The following CD86 variants were observed in gnomAD, a reference collection of about 807,000 sequenced individuals.
CD86 encodes the protein CD86 molecule, also known as T-lymphocyte activation antigen CD86.
CD86 carries 11 observed loss-of-function variants against 32.1 expected under a neutral mutation model. The observed-to-expected ratio is 0.34, with a 90% confidence interval of 0.22 to 0.57. The LOEUF is 0.57. CD86 is among the 20% of genes least tolerant of loss of function. The probability of loss-of-function intolerance (pLI) is 0.86; values close to 1 mark genes in which losing one functional copy is unlikely to be tolerated. For synonymous variants in CD86, 137 were observed against 135.3 expected, an observed-to-expected ratio of 1.01 and a Z score of -0.09; for missense variants, 359 against 398.4, an observed-to-expected ratio of 0.90 and a Z score of 0.84.
At chr3:122,092,625 A>G (rs539047772) in intron 2 of CD86, among the ~76,000 whole-genome samples, 1 of 152,178 alleles carries the variant, frequency 6.6e-6, no homozygotes, top group South Asian at 2.1e-4. Context: ...CCTGCCATGT[A>G]TCCTGTGACT....
At chr3:122,083,301 A>G (rs1363373467) in intron 1 of CD86, among the ~76,000 whole-genome samples, 2 of 152,192 alleles carry the variant, frequency 1.3e-5, no homozygotes, top group South Asian at 2.1e-4. Flanking sequence ...TTAACTGACC[A>G]ATAACACACG....
intron 1 of CD86, among the ~76,000 whole-genome samples, chr3:122,055,900 A>G (rs1297919849): frequency 6.6e-6 from 1 of 152,136 alleles, no homozygotes; most frequent in Non-Finnish European, 1.5e-5. Flanking sequence ...AGGTAGAGGG[A>G]GAGAGATCAA....
At chr3:122,091,684 T>A in intron 2 of CD86, 34 bp downstream of exon 2, 1 of 1,558,816 alleles carries the variant, frequency 6.4e-7, no homozygotes, top group East Asian at 2.2e-5. Context: ...AGTCCTGGAA[T>A]CCTACTGTCT....
intron 1 of CD86, among the ~76,000 whole-genome samples, chr3:122,078,728 T>C (rs573344622): frequency 2.6e-5 from 4 of 152,346 alleles, no homozygotes; most frequent in African/African-American, 9.6e-5. Context: ...GCTTAAAATA[T>C]CATCTCTATT....
At chr3:122,079,497 C>G (rs960279483) in intron 1 of CD86, among the ~76,000 whole-genome samples, 1 of 152,174 alleles carries the variant, frequency 6.6e-6, no homozygotes, top group Non-Finnish European at 1.5e-5. Context: ...CAAAAGCAAG[C>G]ACAGAGAGTG....
chr3:122,084,195 C>G (rs1434502467), intron 1 of CD86, among the ~76,000 whole-genome samples: 2 of 152,166 alleles, frequency 1.3e-5, no homozygotes. Context: ...CCATAATGGC[C>G]AGGCTGGTCT....
intron 1 of CD86, among the ~76,000 whole-genome samples, chr3:122,079,658 C>T (rs1284416878): frequency 3.9e-5 from 6 of 152,292 alleles, no homozygotes; most frequent in Non-Finnish European, 7.4e-5. Context: ...TATCTCTCCT[C>T]TCTTCTCCTA....
intron 5 of CD86, among the ~76,000 whole-genome samples, chr3:122,114,914 A>G (rs1449809894): frequency 1.3e-5 from 2 of 152,212 alleles, no homozygotes; most frequent in African/African-American, 2.4e-5. Flanking sequence ...TGTTAGCATA[A>G]TATTTCATGA....
chr3:122,115,898 C>T (rs1046973672), intron 5 of CD86, among the ~76,000 whole-genome samples: 1 of 152,012 alleles, frequency 6.6e-6, no homozygotes, highest in Non-Finnish European at 1.5e-5. Flanking sequence ...TAGATTCACA[C>T]TGTTGACAAA....
Position 122,083,963 on chromosome 3 carries a change from CTGTGGCTTGTAAT to C in CD86, c.15-7626_15-7614del, listed in dbSNP as rs1439640979. ...ACTACTACAAGTTTTCAAATTATAT[CTGTGGCTTGTAAT>C]TGTGGCTTGTATTGTATTCTTTTTT... On this transcript the variant is annotated intron_variant, in intron 1 of 6. Transcript: ENST00000330540. Among the ~76,000 whole-genome samples, 15 of 152,204 alleles carry C rather than the reference CTGTGGCTTGTAAT, an allele frequency of 9.9e-5. No individual in the cohort carries two copies. The South Asian group carries it at 3.1e-3, about 32-fold the overall frequency.
chr3:122,086,987 G>A (rs1174382152), intron 1 of CD86, among the ~76,000 whole-genome samples: 1 of 152,148 alleles, frequency 6.6e-6, no homozygotes, highest in Non-Finnish European at 1.5e-5. Context: ...GGCAGCCTAG[G>A]GCAAGTACTG....
At chr3:122,118,467 A>T (rs1423225357) in intron 6 of CD86, among the ~76,000 whole-genome samples, 2 of 152,206 alleles carry the variant, frequency 1.3e-5, no homozygotes, top group African/African-American at 4.8e-5. Context: ...GGGGAATGAT[A>T]ACATGTTTGC....
intron 3 of CD86, 38 bp from the exon 4 acceptor site, chr3:122,106,160 C>T (rs41271425): frequency 7.7e-5 from 114 of 1,486,366 alleles, no homozygotes; most frequent in Non-Finnish European, 1.0e-4. Flanking sequence ...TACATCTAAA[C>T]TTAGATTGAT....
At chr3:122,074,556 G>A (rs1038010792) in intron 1 of CD86, among the ~76,000 whole-genome samples, 1 of 152,148 alleles carries the variant, frequency 6.6e-6, no homozygotes, top group Admixed American at 6.5e-5. Flanking sequence ...ACCACTGGCC[G>A]CAGGAGGCCA....
intron 1 of CD86, among the ~76,000 whole-genome samples, chr3:122,062,507 G>A (rs974898936): frequency 6.6e-6 from 1 of 152,112 alleles, no homozygotes; most frequent in Non-Finnish European, 1.5e-5. Context: ...CAGTTTTGTG[G>A]TAAATATATC....
intron 2 of CD86, among the ~76,000 whole-genome samples, chr3:122,094,091 C>G (rs2072870707): frequency 6.6e-6 from 1 of 152,230 alleles, no homozygotes; most frequent in Admixed American, 6.5e-5. Flanking sequence ...GACCCAAGAG[C>G]TTGGGCCCAA....
chr3:122,077,969 T>TTG, intron 1 of CD86: 1 of 985,658 alleles, frequency 1.0e-6, no homozygotes, highest in Non-Finnish European at 1.2e-6. Flanking sequence ...ACCTTGCTTC[T>TTG]GTGTTCCTTG....
chr3:122,108,860 G>A (rs368624302), intron 4 of CD86, among the ~76,000 whole-genome samples: 6 of 152,282 alleles, frequency 3.9e-5, no homozygotes, highest in African/African-American at 1.4e-4. Flanking sequence ...GAATCATCAC[G>A]AGAGGAACTT....
chr3:122,075,293 T>C (rs2072541325), intron 1 of CD86, among the ~76,000 whole-genome samples: 1 of 152,124 alleles, frequency 6.6e-6, no homozygotes, highest in African/African-American at 2.4e-5. Flanking sequence ...CTAGAGACTA[T>C]CGACATGAGG....
Sources: gnomAD v4.1 joint callset for allele counts (sites outside exome capture counted in the v4.1 genomes callset) on GRCh38, gnomAD v4.1.1 for gene constraint, MANE v1.5 for transcripts, NCBI Gene and HGNC (gene_info 2026-07-23, HGNC 2026-07-21) for gene names.